NRG3: variants seen among roughly 807,000 people sequenced by gnomAD.
The protein encoded by NRG3 is pro-neuregulin-3, membrane-bound isoform.
NRG3 carries 31 observed loss-of-function variants against 66.9 expected under a neutral mutation model. The ratio of observed to expected loss-of-function variants is 0.46; its 90% CI spans 0.35 to 0.63. The LOEUF is 0.63. Among genes scored for constraint, NRG3 ranks in the 20% least tolerant of loss-of-function variants. The probability of loss-of-function intolerance (pLI) is 0.00; values close to 1 mark genes in which losing one functional copy is unlikely to be tolerated. For synonymous variants in NRG3, 393 were observed against 359.4 expected, an observed-to-expected ratio of 1.09 and a Z score of -1.06; for missense variants, 910 against 878.9, an observed-to-expected ratio of 1.04 and a Z score of -0.45.
intron 1 of NRG3, among the ~76,000 whole-genome samples, chr10:81,928,620 C>G (rs1024151455): frequency 6.6e-6 from 1 of 152,114 alleles, no homozygotes; most frequent in Non-Finnish European, 1.5e-5. Flanking sequence ...CCTGCCCTAC[C>G]CTTATGGGTA....
At chr10:82,903,382 T>C (rs1218187283) in intron 4 of NRG3, among the ~76,000 whole-genome samples, 1 of 152,166 alleles carries the variant, frequency 6.6e-6, no homozygotes, top group Non-Finnish European at 1.5e-5. Context: ...TATTTTTCAT[T>C]GTGTTTAGTG....
At chr10:82,042,515 G>A (rs967712780) in intron 1 of NRG3, among the ~76,000 whole-genome samples, 10 of 151,952 alleles carry the variant, frequency 6.6e-5, no homozygotes, top group African/African-American at 1.9e-4. Context: ...TGAAGTTGGT[G>A]CTACTGTATT....
intron 4 of NRG3, among the ~76,000 whole-genome samples, chr10:82,874,904 G>A (rs1841671439): frequency 6.6e-6 from 1 of 152,178 alleles, no homozygotes; most frequent in African/African-American, 2.4e-5. Flanking sequence ...CTAGTCCTTA[G>A]TTTTGAAGGT....
intron 1 of NRG3, among the ~76,000 whole-genome samples, chr10:81,983,460 A>G (rs2060409043): frequency 6.6e-6 from 1 of 152,142 alleles, no homozygotes; most frequent in Non-Finnish European, 1.5e-5. Context: ...TAGGTGCCAG[A>G]CTGTTTTCTT....
At chr10:82,180,081 G>A (rs1313421283) in intron 1 of NRG3, among the ~76,000 whole-genome samples, 1 of 151,374 alleles carries the variant, frequency 6.6e-6, no homozygotes, top group Non-Finnish European at 1.5e-5. Context: ...TTTGCATGTT[G>A]ATTTTATATA....
At chr10:82,877,381 T>G (rs1455736339) in intron 4 of NRG3, among the ~76,000 whole-genome samples, 3 of 145,076 alleles carry the variant, frequency 2.1e-5, no homozygotes, top group African/African-American at 7.7e-5. Flanking sequence ...CTTTTTTTTT[T>G]TTTTTTTTTT....
rs183688880 is a variant in NRG3 at position 82,521,433 on chromosome 10, C to G, written c.953+162565C>G. 4.6e-5 allele frequency among the ~76,000 whole-genome samples: 7 copies of G among 150,620 alleles called. No homozygotes were observed. The East Asian group carries it at 1.4e-3, about 30-fold the overall frequency. ...TCGGCTCACTGCAAGCCCTGTCTCC[C>G]GGGTTCACGCCATTCTCCTGCCTCA... On this transcript the variant is annotated intron_variant, in intron 2 of 8. Coordinates refer to ENST00000372141, the MANE Select transcript of NRG3 (RefSeq NM_001010848.4).
At chr10:82,307,891 G>GT (rs992787330) in intron 1 of NRG3, among the ~76,000 whole-genome samples, 2 of 150,910 alleles carry the variant, frequency 1.3e-5, no homozygotes. Flanking sequence ...TGCTGTGTAG[G>GT]TTTTTTTCTT....
intron 4 of NRG3, among the ~76,000 whole-genome samples, chr10:82,866,360 A>C (rs1437911253): frequency 6.6e-6 from 1 of 152,188 alleles, no homozygotes; most frequent in African/African-American, 2.4e-5. Context: ...TTCAGCAAAC[A>C]CTTATCAAAG....
At chr10:82,674,450 T>A (rs909924581) in intron 2 of NRG3, among the ~76,000 whole-genome samples, 1 of 152,204 alleles carries the variant, frequency 6.6e-6, no homozygotes, top group African/African-American at 2.4e-5. Context: ...TCATTTACTT[T>A]AATCTCTCAT....
At chr10:82,505,740 T>A (rs762951018) in intron 2 of NRG3, among the ~76,000 whole-genome samples, 12 of 152,150 alleles carry the variant, frequency 7.9e-5, no homozygotes, top group Admixed American at 2.6e-4. Context: ...AACCCCTGAT[T>A]TTGCTTTGTC....
chr10:82,036,674 G>A (rs1356530875), intron 1 of NRG3, among the ~76,000 whole-genome samples: 1 of 152,078 alleles, frequency 6.6e-6, no homozygotes, highest in Non-Finnish European at 1.5e-5. Context: ...TTAACTATAA[G>A]CACAGTGTTA....
chr10:82,418,877 G>C (rs1311666711), intron 2 of NRG3, among the ~76,000 whole-genome samples: 1 of 151,956 alleles, frequency 6.6e-6, no homozygotes, highest in Non-Finnish European at 1.5e-5. Context: ...CTGGATTACA[G>C]AATACTTAAA....
At chr10:82,625,950 T>TGG (rs2049388499) in intron 2 of NRG3, among the ~76,000 whole-genome samples, 2 of 152,160 alleles carry the variant, frequency 1.3e-5, no homozygotes, top group Admixed American at 6.5e-5. Flanking sequence ...GGCTTCCTGA[T>TGG]ATGTAATAAA....
chr10:82,902,853 C>T (rs1462636199), intron 4 of NRG3, among the ~76,000 whole-genome samples: 1 of 151,904 alleles, frequency 6.6e-6, no homozygotes, highest in Non-Finnish European at 1.5e-5. Context: ...TGGGTTTGAA[C>T]TGCATTGATC....
At chr10:82,305,405 G>T (rs770690711) in intron 1 of NRG3, among the ~76,000 whole-genome samples, 1 of 151,858 alleles carries the variant, frequency 6.6e-6, no homozygotes, top group Non-Finnish European at 1.5e-5. Context: ...TTTCCATATG[G>T]GTTTTAGAAT....
chr10:81,881,128 T>C (rs560266654), intron 1 of NRG3, among the ~76,000 whole-genome samples: 13 of 152,234 alleles, frequency 8.5e-5, no homozygotes, highest in African/African-American at 3.1e-4. Flanking sequence ...GCCAGTATTT[T>C]ATAGTTGAAT....
rs78080134 is a variant in NRG3 at position 82,428,837 on chromosome 10, T to C, written c.953+69969T>C. 9.9e-5 allele frequency among the ~76,000 whole-genome samples: 15 copies of C among 152,098 alleles called. No individual in the cohort carries two copies. In the East Asian group the frequency reaches 2.9e-3, roughly 29 times the overall value. ...ATATCCAACTATTAGGGCTGAATTG[T>C]CTATTTCTCCCTTCAATTCTATCAT... On this transcript the variant is annotated intron_variant, in intron 2 of 8. Coordinates refer to ENST00000372141, the MANE Select transcript of NRG3 (RefSeq NM_001010848.4).
intron 1 of NRG3, among the ~76,000 whole-genome samples, chr10:82,154,645 A>T (rs1391141830): frequency 6.6e-6 from 1 of 151,776 alleles, no homozygotes; most frequent in Non-Finnish European, 1.5e-5. Context: ...TTGAATCTGT[A>T]GATTGCTTTG....
Sources: allele counts gnomAD v4.1 joint callset (sites outside exome capture counted in the v4.1 genomes callset), GRCh38; gene constraint gnomAD v4.1.1; transcripts MANE v1.5; gene names NCBI Gene and HGNC (gene_info 2026-07-23, HGNC 2026-07-21).